TMEM178B: variants seen among roughly 807,000 people sequenced by gnomAD.
The protein encoded by TMEM178B is transmembrane protein 178B.
A neutral mutation model predicts 31.0 loss-of-function variants in TMEM178B; 5 were observed. The ratio of observed to expected loss-of-function variants is 0.16; its 90% CI spans 0.08 to 0.34. The LOEUF is 0.34. TMEM178B is among the 10% of genes least tolerant of loss of function. The pLI, the probability that TMEM178B is intolerant of heterozygous loss-of-function variation, is 1.00. For synonymous variants in TMEM178B, 164 were observed against 164.0 expected, an observed-to-expected ratio of 1.00 and a Z score of 0.00; for missense variants, 275 against 400.3, an observed-to-expected ratio of 0.69 and a Z score of 2.67.
intron 1 of TMEM178B, among the ~76,000 whole-genome samples, chr7:141,087,012 A>C (rs1384408943): frequency 6.6e-6 from 1 of 152,208 alleles, no homozygotes; most frequent in Non-Finnish European, 1.5e-5. Flanking sequence ...TTAAAAACAA[A>C]AAAAAACAGA....
At chr7:141,250,653 A>G (rs958869869) in intron 2 of TMEM178B, among the ~76,000 whole-genome samples, 10 of 152,098 alleles carry the variant, frequency 6.6e-5, no homozygotes, top group African/African-American at 2.4e-4. Context: ...CTTGACATTT[A>G]TCACAATCAG....
intron 1 of TMEM178B, among the ~76,000 whole-genome samples, chr7:141,115,035 TTGTGTGTG>T (rs141595860): frequency 6.7e-6 from 1 of 148,564 alleles, no homozygotes. Context: ...TCTGTGGGAT[TTGTGTGTG>T]TGTGTGTGTG....
At chr7:141,166,489 G>T (rs1022100236) in intron 1 of TMEM178B, among the ~76,000 whole-genome samples, 1 of 152,188 alleles carries the variant, frequency 6.6e-6, no homozygotes, top group Non-Finnish European at 1.5e-5. Context: ...ATAAAGGGAA[G>T]GTAGCTCCTT....
At chr7:141,373,785 G>C (rs1800161646) in intron 2 of TMEM178B, among the ~76,000 whole-genome samples, 1 of 152,194 alleles carries the variant, frequency 6.6e-6, no homozygotes, top group Non-Finnish European at 1.5e-5. Context: ...AGGGTGAGCT[G>C]GGCAGCACAC....
intron 1 of TMEM178B, among the ~76,000 whole-genome samples, chr7:141,159,090 G>A (rs564433531): frequency 6.6e-6 from 1 of 151,990 alleles, no homozygotes; most frequent in Non-Finnish European, 1.5e-5. Flanking sequence ...CATCTTCAGC[G>A]GCCCCTTCCC....
At chr7:141,096,617 GGGAA>G (rs757820678) in intron 1 of TMEM178B, among the ~76,000 whole-genome samples, 21 of 152,212 alleles carry the variant, frequency 1.4e-4, no homozygotes, top group Non-Finnish European at 2.4e-4. Flanking sequence ...AGGGAGGGCA[GGGAA>G]GCTCCATACC....
chr7:141,080,086 A>T (rs13230878), intron 1 of TMEM178B, among the ~76,000 whole-genome samples: 8 of 152,248 alleles, frequency 5.3e-5, no homozygotes, highest in Non-Finnish European at 1.2e-4. Context: ...TCTAAATTGA[A>T]GTAATGAGAG....
At chr7:141,412,547 C>CA (rs1181799358) in intron 2 of TMEM178B, among the ~76,000 whole-genome samples, 2 of 151,872 alleles carry the variant, frequency 1.3e-5, no homozygotes, top group Non-Finnish European at 2.9e-5. Flanking sequence ...TGTATATTGA[C>CA]AAAAAAAATT....
At chr7:141,424,020 G>C (rs1363454401) in intron 2 of TMEM178B, among the ~76,000 whole-genome samples, 4 of 149,870 alleles carry the variant, frequency 2.7e-5, no homozygotes, top group Non-Finnish European at 5.9e-5. Flanking sequence ...GTTTCACCAT[G>C]TTGGTCAGGC....
At chr7:141,341,184 G>T (rs1025392486) in intron 2 of TMEM178B, among the ~76,000 whole-genome samples, 3 of 152,146 alleles carry the variant, frequency 2.0e-5, no homozygotes, top group Non-Finnish European at 4.4e-5. Flanking sequence ...ACTGCTTGCC[G>T]GTTGTTGTTT....
chr7:141,342,000 T>G lies in TMEM178B; in HGVS notation c.497-95608T>G, dbSNP rs574480039. 1.4e-3 allele frequency among the ~76,000 whole-genome samples: 215 copies of G among 152,302 alleles called. 2 individuals carry two copies. Among genetic ancestry groups the G allele is most frequent in the African/African-American group, 4.8e-3 (201 of 41,556 alleles). ...TCTCATTCTGTCACTCAGGCCGGAG[T>G]GCAGTAGTGTGATCTCAGCTCACTG... On this transcript the variant is annotated intron_variant, in intron 2 of 3. Transcript: ENST00000565468.
At position 141,472,588 on chromosome 7, in the gene TMEM178B, T is replaced by C. The variant is rs986164622; in HGVS notation, c.*1802T>C. The C allele has an allele frequency of 1.3e-5, 2 of 152,132 alleles. No individual in the cohort carries two copies. Among genetic ancestry groups the C allele is most frequent in the African/African-American group, 4.8e-5 (2 of 41,414 alleles). 9.4% of individuals were successfully genotyped at this position (152,132 alleles called of 1,614,324 possible). A position where few individuals can be genotyped will look rare whatever the true frequency, so the allele number is the denominator to read the frequency against. The stretch of plus-strand genomic sequence containing the variant: ...GAGCTGGTGTAGCCATGGTCAACTG[T>C]GTAGCAGAGAATCCCCTTGTTTCAT... On this transcript the variant is annotated 3_prime_UTR_variant, in exon 4 of 4. Transcript: ENST00000565468.
At chr7:141,495,740 A>T in the TMEM178B span, among the ~76,000 whole-genome samples, 1 of 152,226 alleles carries the variant, frequency 6.6e-6, no homozygotes, top group Non-Finnish European at 1.5e-5. Flanking sequence ...AGTCACTAAA[A>T]CAACCAAGGT....
At chr7:141,105,717 C>T (rs1586771260) in intron 1 of TMEM178B, among the ~76,000 whole-genome samples, 3 of 152,144 alleles carry the variant, frequency 2.0e-5, no homozygotes, top group Admixed American at 2.0e-4. Flanking sequence ...AGTGTTTGGT[C>T]ATTAGAAGAC....
At chr7:141,205,520 G>A (rs1020196423) in intron 1 of TMEM178B, among the ~76,000 whole-genome samples, 5 of 152,300 alleles carry the variant, frequency 3.3e-5, no homozygotes, top group African/African-American at 1.2e-4. Context: ...TAGCTGAGGG[G>A]CCCTCCCTCT....
chr7:141,074,792 C>T lies in TMEM178B; in HGVS notation c.382+100C>T. On this transcript the variant is annotated intron_variant, in intron 1 of 3. Transcript: ENST00000565468. This position sits in a 1 kb window ranked among gnomAD's most constrained non-coding sequence, Gnocchi z 5.1. Reference sequence around the variant, plus strand: ...TCCCAGGCCACAGGCTATCAGGTCTCTGGGTTCCAGGCGGTCCGGTTATCC... The same window carrying T: ...TCCCAGGCCACAGGCTATCAGGTCTTTGGGTTCCAGGCGGTCCGGTTATCC... 2.1e-6 allele frequency: 3 copies of T among 1,418,590 alleles called. No homozygotes were observed. In the South Asian group the frequency reaches 4.5e-5, roughly 21 times the overall value. 87.9% of individuals were successfully genotyped at this position (1,418,590 alleles called of 1,614,324 possible). A position where few individuals can be genotyped will look rare whatever the true frequency, so the allele number is the denominator to read the frequency against.
rs1472651969 is a variant in TMEM178B, at chr7:141,281,768, G to C, written c.496+69064G>C. On this transcript the variant is annotated intron_variant, in intron 2 of 3. Transcript: ENST00000565468. ...ACTTTCAGCAGAGGGAACAGCATGT[G>C]TGCAAAGGGAGGGACACGACATTGT... 2.0e-5 allele frequency among the ~76,000 whole-genome samples: 3 copies of C among 152,318 alleles called. No homozygotes were observed. In the East Asian group the frequency reaches 5.8e-4, roughly 29 times the overall value.
intron 1 of TMEM178B, among the ~76,000 whole-genome samples, chr7:141,116,359 A>C (rs1490173725): frequency 6.6e-6 from 1 of 152,112 alleles, no homozygotes; most frequent in Non-Finnish European, 1.5e-5. Flanking sequence ...GGTGAAAGGG[A>C]AAAAGAGGAC....
At chr7:141,455,329 C>A (rs1801943853) in intron 3 of TMEM178B, among the ~76,000 whole-genome samples, 1 of 152,200 alleles carries the variant, frequency 6.6e-6, no homozygotes, top group Admixed American at 6.5e-5. Flanking sequence ...GCCCTCAGAA[C>A]CTCCTTGGGG....
Sources: gnomAD v4.1 joint callset for allele counts (sites outside exome capture counted in the v4.1 genomes callset) on GRCh38, gnomAD v4.1.1 for gene constraint, Gnocchi (gnomAD v3.1) non-coding constraint, MANE v1.5 for transcripts, NCBI Gene and HGNC (gene_info 2026-07-23, HGNC 2026-07-21) for gene names.